Variants in FMO5 observed in about 807,000 individuals in gnomAD.
FMO5 encodes flavin-containing monooxygenase 5.
FMO5 carries 51 observed loss-of-function variants against 43.6 expected under a neutral mutation model. The ratio of observed to expected loss-of-function variants is 1.17; its 90% CI spans 0.93 to 1.48. The LOEUF is 1.48. FMO5 is among the 40% of genes most tolerant of loss of function. The probability of loss-of-function intolerance (pLI) is 0.00; values close to 1 mark genes in which losing one functional copy is unlikely to be tolerated. For missense variants in FMO5, 644 were observed against 643.0 expected, an observed-to-expected ratio of 1.00 and a Z score of -0.02; for synonymous variants, 187 against 216.5, an observed-to-expected ratio of 0.86 and a Z score of 1.20.
intron 6 of FMO5, chr1:147,208,422 A>T (rs1660464867): frequency 7.3e-6 from 1 of 136,154 alleles, no homozygotes; most frequent in African/African-American, 2.9e-5. Flanking sequence ...ATGAGTCTAT[A>T]GGCTTTCTTT....
intron 6 of FMO5, among the ~76,000 whole-genome samples, chr1:147,206,199 A>G (rs587679282): frequency 0.038 from 5,704 of 150,606 alleles, 349 homozygotes; most frequent in South Asian, 0.096. Flanking sequence ...GAGAAATGCA[A>G]ATCAAAACCA....
chr1:147,213,543 T>C (rs993123093), intron 3 of FMO5, 73 bp from the exon 4 acceptor site: 3 of 1,320,680 alleles, frequency 2.3e-6, no homozygotes, highest in Non-Finnish European at 3.1e-6. Context: ...CACAAAGGGC[T>C]GATATCACAG....
At chr1:147,212,918 T>TA (rs28381186) in intron 4 of FMO5, among the ~76,000 whole-genome samples, 2 of 151,990 alleles carry the variant, frequency 1.3e-5, no homozygotes, top group African/African-American at 2.4e-5. Flanking sequence ...CTTTTTTTTT[T>TA]AAAATGAAAA....
At chr1:147,193,653 A>C (rs1345278857) in intron 7 of FMO5, among the ~76,000 whole-genome samples, 2 of 152,058 alleles carry the variant, frequency 1.3e-5, no homozygotes, top group East Asian at 1.9e-4. Context: ...TAGTGCTATA[A>C]ATTTCCCTCT....
At chr1:147,223,071 T>C (rs1663336194) in intron 2 of FMO5, among the ~76,000 whole-genome samples, 1 of 152,226 alleles carries the variant, frequency 6.6e-6, no homozygotes, top group African/African-American at 2.4e-5. Context: ...ACTATTATTA[T>C]CCACTTCTTA....
chr1:147,202,294 G>T (rs28381206), intron 6 of FMO5, among the ~76,000 whole-genome samples: 5,397 of 149,186 alleles, frequency 0.036, 145 homozygotes, highest in South Asian at 0.096. Flanking sequence ...GTATCGTGGA[G>T]CTTTCTAAAA....
At chr1:147,222,379 G>C in intron 2 of FMO5, among the ~76,000 whole-genome samples, 1 of 152,106 alleles carries the variant, frequency 6.6e-6, no homozygotes, top group East Asian at 1.9e-4. Context: ...AAAGAAAAGA[G>C]AGAGAGAGCA....
At chr1:147,210,941 C>T (rs587606853) in intron 5 of FMO5, 10 of 152,100 alleles carry the variant, frequency 6.6e-5, no homozygotes, top group African/African-American at 1.7e-4. Context: ...AAGAATTATA[C>T]GAAAAACTTC....
chr1:147,202,312 CTTTTTTTTT>C (rs55820230), intron 6 of FMO5, among the ~76,000 whole-genome samples: 5 of 77,464 alleles, frequency 6.5e-5, no homozygotes, highest in Non-Finnish European at 1.3e-4. Flanking sequence ...AAAAGCAGTT[CTTTTTTTTT>C]TTTTTTTTTT....
At chr1:147,189,268 G>A (rs587738402) in intron 8 of FMO5, among the ~76,000 whole-genome samples, 10 of 126,516 alleles carry the variant, frequency 7.9e-5, no homozygotes, top group East Asian at 4.3e-4. Flanking sequence ...GTGAGACTCC[G>A]TCTAAAAAAA....
intron 7 of FMO5, among the ~76,000 whole-genome samples, chr1:147,194,472 C>G (rs1391969449): frequency 6.6e-6 from 1 of 152,118 alleles, no homozygotes; most frequent in East Asian, 1.9e-4. Flanking sequence ...ATTTGCCAGT[C>G]TGTGTATTTT....
intron 7 of FMO5, among the ~76,000 whole-genome samples, chr1:147,198,866 A>AG: frequency 8.2e-5 from 12 of 145,926 alleles, no homozygotes; most frequent in Non-Finnish European, 1.2e-4. Context: ...AAAAAAAAAA[A>AG]AAAAAAAAAG....
Position 147,186,448 on chromosome 1 carries a change from T to C in FMO5, c.*452A>G. The C allele has an allele frequency of 1.1e-6, 1 of 925,774 alleles. No individual in the cohort carries two copies. The highest frequency in any genetic ancestry group is 5.0e-5 in the South Asian group (1 of 19,868). The allele number at this position is 925,774 out of a possible 1,614,324, so 57.3% of individuals were successfully genotyped here. A position where few individuals can be genotyped will look rare whatever the true frequency, so the allele number is the denominator to read the frequency against. ...TTTCTCTTATCTCTCAGGAAACATATTTAGTTATAATATGAAAAAAAACTA... is the reference window on the plus strand; with the variant it reads ...TTTCTCTTATCTCTCAGGAAACATACTTAGTTATAATATGAAAAAAAACTA... On this transcript the variant is annotated 3_prime_UTR_variant, in exon 9 of 9. Transcript: ENST00000254090.
intron 6 of FMO5, among the ~76,000 whole-genome samples, chr1:147,206,097 G>A (rs1193480228): frequency 1.3e-5 from 2 of 150,818 alleles, no homozygotes; most frequent in South Asian, 2.1e-4. Context: ...CCATCAAAAA[G>A]TGGGTGAAGG....
intron 8 of FMO5, among the ~76,000 whole-genome samples, chr1:147,188,763 TA>T (rs781911905): frequency 0.047 from 6,557 of 140,190 alleles, 198 homozygotes; most frequent in South Asian, 0.11. Flanking sequence ...TTTCAGAAGT[TA>T]AAAAAAAAAA....
At chr1:147,194,848 T>C (rs1281249269) in intron 7 of FMO5, among the ~76,000 whole-genome samples, 1 of 152,116 alleles carries the variant, frequency 6.6e-6, no homozygotes, top group African/African-American at 2.4e-5. Context: ...CACTCTCTTC[T>C]GGCTTGTAGA....
intron 6 of FMO5, among the ~76,000 whole-genome samples, chr1:147,205,591 G>T (rs782038380): frequency 4.1e-4 from 62 of 152,126 alleles, no homozygotes; most frequent in Non-Finnish European, 5.9e-4. Flanking sequence ...GAACAGAACA[G>T]AGCCCTCAGA....
At chr1:147,194,319 AG>A (rs1423525956) in intron 7 of FMO5, among the ~76,000 whole-genome samples, 4 of 152,114 alleles carry the variant, frequency 2.6e-5, no homozygotes, top group African/African-American at 9.7e-5. Context: ...ATCAGAGACT[AG>A]GATTGCAACC....
rs1655640652 is a variant in FMO5, at chr1:147,186,500, A to G, written c.*400T>C. The G allele has an allele frequency of 4.0e-6, 4 of 988,436 alleles. No individual in the cohort carries two copies. The highest frequency in any genetic ancestry group is 4.8e-6 in the Non-Finnish European group (4 of 831,326). 61.2% of individuals were successfully genotyped at this position (988,436 alleles called of 1,614,324 possible). A position where few individuals can be genotyped will look rare whatever the true frequency, so the allele number is the denominator to read the frequency against. On this transcript the variant is annotated 3_prime_UTR_variant, in exon 9 of 9. Transcript: ENST00000254090. ...AATTGAGCTTCTAATAGAAAATCAA[A>G]CCCTATCAGAAGAAGAGTTACGTGG... is the stretch of plus-strand genomic sequence containing the variant.
Sources: allele counts gnomAD v4.1 joint callset (sites outside exome capture counted in the v4.1 genomes callset), GRCh38; gene constraint gnomAD v4.1.1; transcripts MANE v1.5; gene names NCBI Gene and HGNC (gene_info 2026-07-23, HGNC 2026-07-21).